The following CSMD3 variants were observed in gnomAD, a reference collection of about 807,000 sequenced individuals.
The protein encoded by CSMD3 is CUB and Sushi multiple domains 3, also known as CUB and sushi domain-containing protein 3.
Under a neutral mutation model 435.2 loss-of-function variants are expected in CSMD3, and 177 were observed. The observed-to-expected ratio is 0.41, with a 90% CI of 0.36 to 0.46. CSMD3 has a LOEUF of 0.46. Ranked by LOEUF, CSMD3 falls within the 20% of genes least tolerant of loss-of-function variation. The pLI is 0.34. For synonymous variants in CSMD3, 1,656 were observed against 1,520.5 expected (o/e 1.09, Z -2.07); for missense variants, 4,265 against 4,504.6 (o/e 0.95, Z 1.52).
At chr8:112,996,153 G>A (rs1033376854) in intron 6 of CSMD3, among the ~76,000 whole-genome samples, 2 of 151,264 alleles carry the variant, frequency 1.3e-5, no homozygotes, top group African/African-American at 4.8e-5. Flanking sequence ...TTTTAGGAAT[G>A]TAATACATAG....
intron 12 of CSMD3, among the ~76,000 whole-genome samples, chr8:112,808,773 C>T (rs1206360878): frequency 6.6e-6 from 1 of 151,238 alleles, no homozygotes; most frequent in African/African-American, 2.4e-5. Context: ...CAAAGTATAA[C>T]AGAAAATCTA....
intron 4 of CSMD3, 136 bp downstream of exon 4, chr8:113,173,586 T>G (rs891465758): frequency 1.4e-6 from 1 of 737,434 alleles, no homozygotes; most frequent in African/African-American, 1.7e-5. Context: ...CCTCCCAAAG[T>G]GCTGGGATTA....
chr8:112,989,404 T>C (rs2085369270), intron 6 of CSMD3, among the ~76,000 whole-genome samples: 3 of 152,038 alleles, frequency 2.0e-5, no homozygotes, highest in Admixed American at 2.0e-4. Flanking sequence ...ACAATACTTA[T>C]TTTTAGCCAA....
At chr8:112,554,678 T>C (rs1185311106) in intron 25 of CSMD3, among the ~76,000 whole-genome samples, 1 of 151,910 alleles carries the variant, frequency 6.6e-6, no homozygotes, top group Admixed American at 6.6e-5. Flanking sequence ...GCCAGTGTCA[T>C]ATGCTGTAGT....
chr8:112,460,312 G>T (rs1347249349), intron 32 of CSMD3, among the ~76,000 whole-genome samples: 1 of 151,884 alleles, frequency 6.6e-6, no homozygotes, highest in Admixed American at 6.6e-5. Context: ...CCCACAATGA[G>T]GTTAGAATTA....
At chr8:112,329,705 G>T (rs1823857012) in intron 45 of CSMD3, among the ~76,000 whole-genome samples, 1 of 152,026 alleles carries the variant, frequency 6.6e-6, no homozygotes, top group Non-Finnish European at 1.5e-5. Context: ...CAGAAAGTAA[G>T]ATATTTAAGA....
chr8:112,394,939 G>T (rs532853304), intron 35 of CSMD3, among the ~76,000 whole-genome samples: 2 of 152,250 alleles, frequency 1.3e-5, no homozygotes, highest in Admixed American at 1.3e-4. Context: ...AGAACTGATT[G>T]TGTATCTGTA....
chr8:113,420,836 C>T (rs1487323758), intron 1 of CSMD3, among the ~76,000 whole-genome samples: 1 of 151,718 alleles, frequency 6.6e-6, no homozygotes. Context: ...GCAATTACAG[C>T]TGCTTGGGAG....
chr8:113,097,039 A>G (rs1588067069), intron 5 of CSMD3, among the ~76,000 whole-genome samples: 1 of 151,988 alleles, frequency 6.6e-6, no homozygotes, highest in Non-Finnish European at 1.5e-5. Flanking sequence ...ATGGATGACA[A>G]TGGGTAAGTC....
At chr8:112,264,160 C>A (rs190431205) in intron 60 of CSMD3, among the ~76,000 whole-genome samples, 20 of 152,084 alleles carry the variant, frequency 1.3e-4, no homozygotes, top group Admixed American at 2.6e-4. Context: ...TTCCAATGAC[C>A]TTTAGACAGA....
chr8:113,007,113 T>C (rs1178806420), intron 6 of CSMD3, among the ~76,000 whole-genome samples: 3 of 151,972 alleles, frequency 2.0e-5, no homozygotes, highest in Admixed American at 6.6e-5. Context: ...TTTCCTTATA[T>C]AGGCTTCCTC....
intron 22 of CSMD3, among the ~76,000 whole-genome samples, chr8:112,603,815 C>T (rs1832573045): frequency 6.6e-6 from 1 of 151,832 alleles, no homozygotes; most frequent in African/African-American, 2.4e-5. Flanking sequence ...ATTAGTGAAC[C>T]TAAATAGTTC....
At chr8:112,905,596 G>A (rs1487895675) in intron 10 of CSMD3, among the ~76,000 whole-genome samples, 1 of 151,356 alleles carries the variant, frequency 6.6e-6, no homozygotes, top group African/African-American at 2.4e-5. Context: ...GAGCAAAGAT[G>A]TGGGCAATGC....
At chr8:112,565,418 G>T (rs187094134) in intron 24 of CSMD3, among the ~76,000 whole-genome samples, 1 of 152,028 alleles carries the variant, frequency 6.6e-6, no homozygotes, top group African/African-American at 2.4e-5. Context: ...CTAAATTAAA[G>T]ACTAATTTAT....
At chr8:112,609,678 A>T (rs1422235907) in intron 22 of CSMD3, among the ~76,000 whole-genome samples, 1 of 152,180 alleles carries the variant, frequency 6.6e-6, no homozygotes, top group Non-Finnish European at 1.5e-5. Flanking sequence ...TAACCGAAGG[A>T]CATAAAATCA....
chr8:112,359,754 T>C (rs1181383098), intron 38 of CSMD3, among the ~76,000 whole-genome samples: 1 of 152,096 alleles, frequency 6.6e-6, no homozygotes, highest in Admixed American at 6.6e-5. Context: ...TTGAATTAGA[T>C]AAGGAGAGTC....
intron 32 of CSMD3, among the ~76,000 whole-genome samples, chr8:112,421,220 A>G (rs1284100862): frequency 6.6e-6 from 1 of 151,824 alleles, no homozygotes; most frequent in Non-Finnish European, 1.5e-5. Flanking sequence ...TATTCTCACT[A>G]TAAAATGCTA....
chr8:112,331,231 A>G (rs1417629271), intron 45 of CSMD3, among the ~76,000 whole-genome samples: 1 of 151,976 alleles, frequency 6.6e-6, no homozygotes, highest in Non-Finnish European at 1.5e-5. Flanking sequence ...ATTAATTAGG[A>G]CTGAATATTA....
intron 3 of CSMD3, among the ~76,000 whole-genome samples, chr8:113,201,989 T>C (rs2092720651): frequency 6.6e-6 from 1 of 152,110 alleles, no homozygotes; most frequent in South Asian, 2.1e-4. Context: ...ATGCCACATG[T>C]TCTGTTACTA....
Sources: gnomAD v4.1 joint callset for allele counts (sites outside exome capture counted in the v4.1 genomes callset) on GRCh38, gnomAD v4.1.1 for gene constraint, MANE v1.5 for transcripts, NCBI Gene and HGNC (gene_info 2026-07-23, HGNC 2026-07-21) for gene names.